The following DAB1 variants were observed in gnomAD, a reference collection of about 807,000 sequenced individuals.
DAB1 encodes the protein DAB adaptor protein 1.
In DAB1, 15 loss-of-function variants were observed where a neutral mutation model predicts 64.6. That is an observed-to-expected ratio of 0.23 (90% CI 0.16 to 0.36). The LOEUF is 0.36. Ranked by LOEUF, DAB1 falls within the 10% of genes least tolerant of loss-of-function variation. The pLI, the probability that DAB1 is intolerant of heterozygous loss-of-function variation, is 1.00. For missense variants in DAB1, 596 were observed against 706.7 expected (o/e 0.84, Z 1.78); for synonymous variants, 235 against 251.9 (o/e 0.93, Z 0.64).
intron 7 of DAB1, among the ~76,000 whole-genome samples, chr1:57,539,768 G>C (rs1392333008): frequency 6.6e-6 from 1 of 152,190 alleles, no homozygotes; most frequent in Non-Finnish European, 1.5e-5. Context: ...TCTCCAACTT[G>C]TACATAAATA....
chr1:58,529,400 T>C lies in DAB1; in HGVS notation n.33-2065A>G, dbSNP rs527349042. ...AAAAAATTATGGTTAACAAAGTAGT[T>C]ATAAAGATTGCAAGACCTACTTTCA... On this transcript the variant is annotated intron_variant and non_coding_transcript_variant, in intron 1 of 20. Transcript: ENST00000485760. Among the ~76,000 whole-genome samples the C allele has an allele frequency of 4.3e-3, 662 of 152,330 alleles. 5 individuals carry two copies. The highest frequency in any genetic ancestry group is 0.013 in the South Asian group (62 of 4,830).
chr1:58,482,573 T>C (rs116214531), intron 3 of DAB1, among the ~76,000 whole-genome samples: 85 of 152,206 alleles, frequency 5.6e-4, no homozygotes, highest in African/African-American at 2.0e-3. Context: ...GATACTGATG[T>C]GTCTTAAGGG....
intron 7 of DAB1, among the ~76,000 whole-genome samples, chr1:57,433,242 T>C (rs768534714): frequency 3.9e-5 from 6 of 152,136 alleles, no homozygotes; most frequent in Non-Finnish European, 8.8e-5. Context: ...GCAAAGGGAC[T>C]TGGAATAGCC....
chr1:58,007,311 C>A (rs1424912981), intron 5 of DAB1, among the ~76,000 whole-genome samples: 3 of 152,294 alleles, frequency 2.0e-5, no homozygotes, highest in Non-Finnish European at 4.4e-5. Context: ...CCCTCATCCT[C>A]AGAAGGATTA....
At chr1:57,598,043 C>G (rs1645531434) in intron 7 of DAB1, among the ~76,000 whole-genome samples, 1 of 152,172 alleles carries the variant, frequency 6.6e-6, no homozygotes, top group Admixed American at 6.5e-5. Flanking sequence ...AGTGCAGTGG[C>G]ACGATCTTGG....
At chr1:57,796,611 G>A (rs1240159332) in intron 6 of DAB1, among the ~76,000 whole-genome samples, 2 of 151,912 alleles carry the variant, frequency 1.3e-5, no homozygotes, top group Non-Finnish European at 2.9e-5. Context: ...CCCTGCACCT[G>A]CCTTAATATA....
intron 2 of DAB1, among the ~76,000 whole-genome samples, chr1:57,208,033 G>A (rs898449725): frequency 1.3e-5 from 2 of 152,114 alleles, no homozygotes; most frequent in African/African-American, 4.8e-5. Flanking sequence ...CCTGAAATAA[G>A]GATTGTAATG....
chr1:57,462,169 G>A (rs1686806216), intron 7 of DAB1, among the ~76,000 whole-genome samples: 4 of 151,742 alleles, frequency 2.6e-5, no homozygotes, highest in East Asian at 3.9e-4. Flanking sequence ...GGCTGGTCTC[G>A]AACTCCTGAC....
intron 5 of DAB1, among the ~76,000 whole-genome samples, chr1:58,058,064 T>C (rs1648250910): frequency 6.6e-6 from 1 of 152,158 alleles, no homozygotes; most frequent in South Asian, 2.1e-4. Flanking sequence ...TGACTGGTTG[T>C]AACACCATTT....
At chr1:57,024,390 A>G (rs577861303) in intron 10 of DAB1, among the ~76,000 whole-genome samples, 3 of 152,178 alleles carry the variant, frequency 2.0e-5, no homozygotes, top group Non-Finnish European at 4.4e-5. Flanking sequence ...AATTTTGTAT[A>G]TGTCCACACC....
chr1:57,695,400 G>GA (rs71051245), intron 6 of DAB1, among the ~76,000 whole-genome samples: 2 of 84,642 alleles, frequency 2.4e-5, no homozygotes, highest in African/African-American at 9.2e-5. Flanking sequence ...AAGAAAGAAA[G>GA]AAAGAAAGAA....
chr1:58,210,527 C>A (rs1658502454), intron 4 of DAB1, among the ~76,000 whole-genome samples: 1 of 152,332 alleles, frequency 6.6e-6, no homozygotes, highest in East Asian at 1.9e-4. Flanking sequence ...TCAATGTCTT[C>A]TTTCTGAGCT....
At chr1:57,238,143 C>A (rs943924063) in intron 2 of DAB1, among the ~76,000 whole-genome samples, 2 of 152,146 alleles carry the variant, frequency 1.3e-5, no homozygotes, top group Non-Finnish European at 2.9e-5. Flanking sequence ...TGGCTTCGAG[C>A]AGTGGTTCTG....
chr1:58,445,926 T>C (rs60941505), intron 3 of DAB1, among the ~76,000 whole-genome samples: 5,083 of 152,144 alleles, frequency 0.033, 270 homozygotes, highest in African/African-American at 0.12. Flanking sequence ...CTCTCTGCCA[T>C]AATAAGATTT....
rs145861929 is a variant in DAB1, at chr1:58,469,567, T to C, written n.257+36493A>G. ...CTATAGCAATCAGGGTGAATCAGAA[T>C]GATCTCCACTGAACCTTCTAATTCA... On this transcript the variant is annotated intron_variant and non_coding_transcript_variant, in intron 3 of 20. Transcript: ENST00000485760. Among the ~76,000 whole-genome samples, 908 of 152,316 alleles carry C rather than the reference T, an allele frequency of 6.0e-3. 6 individuals carry two copies. Among genetic ancestry groups the C allele is most frequent in the Middle Eastern group, 0.034 (10 of 294 alleles).
At chr1:57,932,054 T>C (rs1644960633) in intron 5 of DAB1, among the ~76,000 whole-genome samples, 1 of 152,210 alleles carries the variant, frequency 6.6e-6, no homozygotes, top group Admixed American at 6.5e-5. Context: ...TTTTTATTTT[T>C]ATTTAGTTAA....
intron 1 of DAB1, among the ~76,000 whole-genome samples, chr1:57,420,780 T>C (rs1370366885): frequency 1.3e-5 from 2 of 152,198 alleles, no homozygotes; most frequent in East Asian, 1.9e-4. Flanking sequence ...GAAAGCAAGG[T>C]TCTGGGAAGT....
intron 4 of DAB1, among the ~76,000 whole-genome samples, chr1:58,170,549 A>T (rs1656110905): frequency 6.6e-6 from 1 of 152,154 alleles, no homozygotes; most frequent in Non-Finnish European, 1.5e-5. Context: ...ACAGGCACAA[A>T]AGGAAAAGCA....
chr1:57,168,946 C>T (rs1569708426), intron 2 of DAB1, among the ~76,000 whole-genome samples: 2 of 152,058 alleles, frequency 1.3e-5, no homozygotes, highest in East Asian at 3.9e-4. Flanking sequence ...GTCCCAGCTA[C>T]TTAGGAGGCT....
Sources: gnomAD v4.1 joint callset for allele counts (sites outside exome capture counted in the v4.1 genomes callset) on GRCh38, gnomAD v4.1.1 for gene constraint, MANE v1.5 for transcripts, NCBI Gene and HGNC (gene_info 2026-07-23, HGNC 2026-07-21) for gene names.